The following MROH1 variants were observed in gnomAD, a reference collection of about 807,000 sequenced individuals.
The protein encoded by MROH1 is maestro heat-like repeat-containing protein family member 1.
In MROH1, 117 loss-of-function variants were observed where a neutral mutation model predicts 116.5. The observed-to-expected ratio is 1.00, with a 90% CI of 0.86 to 1.17. MROH1 has a LOEUF of 1.17. MROH1 is among the 50% of genes most tolerant of loss of function. The pLI, the probability that MROH1 is intolerant of heterozygous loss-of-function variation, is 0.00. For synonymous variants in MROH1, 921 were observed against 583.9 expected (o/e 1.58, Z -8.32); for missense variants, 1,873 against 1,338.5 (o/e 1.40, Z -6.23).
intron 26 of MROH1, 62 bp downstream of exon 26, chr8:144,244,004 T>TGCA: frequency 1.3e-6 from 1 of 759,418 alleles, no homozygotes; most frequent in Non-Finnish European, 2.4e-6. Flanking sequence ...TGTGTGTGCA[T>TGCA]TGTGTGTGCA....
At chr8:144,150,455 G>A (rs1816446423) in intron 1 of MROH1, among the ~76,000 whole-genome samples, 1 of 152,198 alleles carries the variant, frequency 6.6e-6, no homozygotes, top group Admixed American at 6.5e-5. Flanking sequence ...GTAGATAGAT[G>A]TGGAAAAGTG....
intron 35 of MROH1, among the ~76,000 whole-genome samples, chr8:144,258,557 C>T (rs1276001525): frequency 3.9e-5 from 6 of 152,216 alleles, no homozygotes; most frequent in Non-Finnish European, 2.9e-5. Context: ...GACCTTGCTA[C>T]TAGCTCACCT....
At chr8:144,187,160 C>T (rs1827409449) in intron 7 of MROH1, among the ~76,000 whole-genome samples, 1 of 151,070 alleles carries the variant, frequency 6.6e-6, no homozygotes, top group Non-Finnish European at 1.5e-5. Context: ...CCTGTAATCC[C>T]AGCACTTTGG....
chr8:144,150,043 C>A (rs1263958272), intron 1 of MROH1, among the ~76,000 whole-genome samples: 2 of 152,166 alleles, frequency 1.3e-5, no homozygotes, highest in Non-Finnish European at 2.9e-5. Flanking sequence ...GCCCTGCAGG[C>A]TGGCTCACCA....
intron 7 of MROH1, among the ~76,000 whole-genome samples, chr8:144,186,088 C>G (rs1014926105): frequency 2.6e-5 from 4 of 151,572 alleles, no homozygotes; most frequent in Non-Finnish European, 5.9e-5. Flanking sequence ...CTGTGTCACC[C>G]CGGGGAAATG....
At chr8:144,216,114 G>A (rs758317188) in intron 12 of MROH1, among the ~76,000 whole-genome samples, 5 of 151,932 alleles carry the variant, frequency 3.3e-5, no homozygotes, top group Non-Finnish European at 7.4e-5. Context: ...GGGAGGCGGA[G>A]GTTGCAGTGA....
chr8:144,240,760 C>G (rs1324107608), intron 20 of MROH1, 83 bp downstream of exon 20: 2 of 699,648 alleles, frequency 2.9e-6, no homozygotes, highest in Non-Finnish European at 5.2e-6. Context: ...TGTCTGGGCC[C>G]TGTCTCCCGT....
At position 144,243,897 on chromosome 8, in the gene MROH1, G is replaced by A. The variant is rs1205131750; in HGVS notation, c.2510G>A (p.Arg837Lys). Reference protein sequence around the residue: ...FIRAEPPDSLRTPIRKKAMLT... With the variant: ...FIRAEPPDSLKTPIRKKAMLT... ...AGGGCAGAGCCCCCGGACTCCTTGA[G>A]GACACCTATTCGGAAGAAAGCCATG... is the stretch of plus-strand genomic sequence containing the variant. The change falls in exon 26 of 44, where the codon AGG (arginine) becomes AAG (lysine). Residue 837 changes from arginine to lysine, a missense_variant. By Grantham distance (26) the Arg-to-Lys change is conservative. Transcript: ENST00000326134. 3.8e-6 allele frequency: 3 copies of A among 780,382 alleles called. No homozygotes were observed. The African/African-American group carries it at 5.1e-5, about 13-fold the overall frequency. 48.3% of individuals were successfully genotyped at this position (780,382 alleles called of 1,614,324 possible).
intron 4 of MROH1, 75 bp from the exon 5 acceptor site, chr8:144,179,380 G>C (rs1824943347): frequency 6.3e-7 from 1 of 1,582,028 alleles, no homozygotes; most frequent in African/African-American, 1.3e-5. Flanking sequence ...TCATCTTGTA[G>C]AGACAGTGAC....
At chr8:144,188,527 C>T (rs932242348) in intron 7 of MROH1, among the ~76,000 whole-genome samples, 2 of 128,358 alleles carry the variant, frequency 1.6e-5, no homozygotes, top group African/African-American at 2.9e-5. Flanking sequence ...GAGTGCATGG[C>T]GTGATCTCAG....
intron 12 of MROH1, among the ~76,000 whole-genome samples, chr8:144,213,654 T>C (rs1834658565): frequency 6.6e-6 from 1 of 152,066 alleles, no homozygotes; most frequent in Non-Finnish European, 1.5e-5. Context: ...CTGGGCGTGG[T>C]GGCGTGTGCC....
intron 13 of MROH1, among the ~76,000 whole-genome samples, chr8:144,221,208 G>A (rs972476211): frequency 2.0e-5 from 3 of 152,202 alleles, no homozygotes; most frequent in Non-Finnish European, 4.4e-5. Context: ...GCGCCCTCGT[G>A]GCTGAGCTAT....
intron 12 of MROH1, among the ~76,000 whole-genome samples, chr8:144,214,930 G>A (rs1834925220): frequency 6.6e-6 from 1 of 152,116 alleles, no homozygotes; most frequent in Non-Finnish European, 1.5e-5. Context: ...GATGTTGGAG[G>A]GCAGGAAGCA....
chr8:144,207,221 C>T (rs778697352), intron 12 of MROH1, among the ~76,000 whole-genome samples: 1 of 151,468 alleles, frequency 6.6e-6, no homozygotes, highest in Non-Finnish European at 1.5e-5. Flanking sequence ...TGGAGTCGTG[C>T]TCTGTCACCA....
Position 144,261,264 on chromosome 8 carries a change from C to T in MROH1, c.4775-20C>T, listed in dbSNP as rs1012322649. Reference sequence around the variant, plus strand: ...CCCCCACGCCGCCCGGCAGCCCCGCCTGATGCCCCCACTTCACAGGGTTCC... The same window carrying T: ...CCCCCACGCCGCCCGGCAGCCCCGCTTGATGCCCCCACTTCACAGGGTTCC... On this transcript the variant is annotated intron_variant, in intron 42 of 43. Transcript: ENST00000326134. 11 of 749,406 alleles carry T rather than the reference C, an allele frequency of 1.5e-5. No homozygotes were observed. The highest frequency in any genetic ancestry group is 2.7e-5 in the Non-Finnish European group (11 of 411,386). The allele number at this position is 749,406 out of a possible 1,614,324, so 46.4% of individuals were successfully genotyped here. A position where few individuals can be genotyped will look rare whatever the true frequency, so the allele number is the denominator to read the frequency against.
rs760974605 is a variant in MROH1 at position 144,223,209 on chromosome 8, C to T, written c.1317C>T (p.Cys439=). ...EAMIEYIVQQ[C]ALPPEQEPEK... ...TGATCGAGTACATCGTGCAGCAGTG[C>T]GCGCTGCCCCCCGAGCAGGAGGTAA... is the stretch of plus-strand genomic sequence containing the variant. The change falls in exon 14 of 44, where the codon TGC becomes TGT. Residue 439 remains cysteine, a synonymous_variant. Transcript: ENST00000326134. 1.6e-5 allele frequency: 26 copies of T among 1,607,808 alleles called. No homozygotes were observed. Among genetic ancestry groups the T allele is most frequent in the East Asian group, 6.7e-5 (3 of 44,696 alleles).
At chr8:144,181,805 C>T (rs1825788711) in intron 7 of MROH1, among the ~76,000 whole-genome samples, 3 of 152,104 alleles carry the variant, frequency 2.0e-5, no homozygotes, top group Admixed American at 6.5e-5. Context: ...GCCGCTGGGG[C>T]GCCTGTCTCT....
chr8:144,176,621 C>T (rs1699014713), intron 4 of MROH1, among the ~76,000 whole-genome samples: 2 of 150,610 alleles, frequency 1.3e-5, no homozygotes, highest in East Asian at 2.0e-4. Flanking sequence ...GCAAGCGGAT[C>T]ACAAGGTCAG....
rs1411932928 is a variant in MROH1 at position 144,245,191 on chromosome 8, C to T, written c.2802C>T (p.His934=). The change falls in exon 29 of 44, where the codon CAC becomes CAT. Residue 934 remains histidine, a synonymous_variant. Transcript: ENST00000326134. The part of the protein sequence containing the change: ...LSPWIKSPRG[H]ERARALGLSA... Reference sequence around the variant, plus strand: ...CATGGATCAAGTCCCCAAGAGGTCACGAGCGGGCGCGGGCCCTGGGCCTGA... The same window carrying T: ...CATGGATCAAGTCCCCAAGAGGTCATGAGCGGGCGCGGGCCCTGGGCCTGA... 8 of 779,146 alleles carry T rather than the reference C, an allele frequency of 1.0e-5. No homozygotes were observed. Among genetic ancestry groups the T allele is most frequent in the Non-Finnish European group, 1.7e-5 (7 of 417,798 alleles). 48.3% of individuals were successfully genotyped at this position (779,146 alleles called of 1,614,324 possible). A position where few individuals can be genotyped will look rare whatever the true frequency, so the allele number is the denominator to read the frequency against.
Sources: allele counts gnomAD v4.1 joint callset (sites outside exome capture counted in the v4.1 genomes callset), GRCh38; gene constraint gnomAD v4.1.1; transcripts MANE v1.5; gene names NCBI Gene and HGNC (gene_info 2026-07-23, HGNC 2026-07-21).